Variants in TYRP1 observed in about 807,000 individuals in gnomAD.
TYRP1 encodes the protein 5,6-dihydroxyindole-2-carboxylic acid oxidase.
In TYRP1, 49 loss-of-function variants were observed where a neutral mutation model predicts 42.8. The ratio of observed to expected loss-of-function variants is 1.14; its 90% confidence interval spans 0.91 to 1.45. The LOEUF is 1.45. TYRP1 is among the 40% of genes most tolerant of loss of function. TYRP1 has a pLI of 0.00. For missense variants in TYRP1, 848 were observed against 662.0 expected, an observed-to-expected ratio of 1.28 and a Z score of -3.08; for synonymous variants, 279 against 235.4, an observed-to-expected ratio of 1.19 and a Z score of -1.69.
At chr9:12,705,949 T>A (rs1303420709) in intron 6 of TYRP1, among the ~76,000 whole-genome samples, 1 of 152,098 alleles carries the variant, frequency 6.6e-6, no homozygotes, top group Non-Finnish European at 1.5e-5. Context: ...TCAGCTTTTT[T>A]AAAAGTGAAA....
At chr9:12,694,756 C>G (rs1818049453) in intron 2 of TYRP1, among the ~76,000 whole-genome samples, 1 of 152,176 alleles carries the variant, frequency 6.6e-6, no homozygotes, top group Admixed American at 6.5e-5. Context: ...GGAATTCATG[C>G]TGAGATCTAC....
At chr9:12,705,770 C>T (rs1374043076) in intron 6 of TYRP1, among the ~76,000 whole-genome samples, 1 of 151,878 alleles carries the variant, frequency 6.6e-6, no homozygotes, top group East Asian at 1.9e-4. Context: ...TCACTTGACC[C>T]TAGGAGGTAG....
intron 6 of TYRP1, among the ~76,000 whole-genome samples, chr9:12,705,887 T>G (rs1192824104): frequency 6.6e-6 from 1 of 152,034 alleles, no homozygotes; most frequent in Non-Finnish European, 1.5e-5. Flanking sequence ...TCATCTCATT[T>G]TCATGTGTAT....
At chr9:12,694,931 T>C (rs1221820227) in intron 2 of TYRP1, among the ~76,000 whole-genome samples, 1 of 152,176 alleles carries the variant, frequency 6.6e-6, no homozygotes, top group Non-Finnish European at 1.5e-5. Context: ...TTTGATTGTG[T>C]TCTATGTGCG....
In TYRP1 at chr9:12,707,071, T is replaced by C. The variant is rs554416766; in HGVS notation, c.1262-926T>C. Among the ~76,000 whole-genome samples, 6 of 152,126 alleles carry C rather than the reference T, an allele frequency of 3.9e-5. No individual in the cohort carries two copies. In the South Asian group the frequency reaches 1.2e-3, roughly 32 times the overall value. ...CTAGTTACTACCATGTTAATTTCTA[T>C]TTACTAACATTTCTGATCTATATAC... On this transcript the variant is annotated intron_variant, in intron 6 of 7. Coordinates refer to ENST00000388918, the MANE Select transcript of TYRP1 (RefSeq NM_000550.3).
At chr9:12,698,799 T>C in intron 4 of TYRP1, 144 bp downstream of exon 4, 2 of 823,662 alleles carry the variant, frequency 2.4e-6, no homozygotes, top group Admixed American at 2.3e-5. Context: ...CAGGCATTCA[T>C]TAAACACCTA....
At chr9:12,704,797 A>AAAAC (rs1373314688) in intron 6 of TYRP1, 92 bp downstream of exon 6, 18 of 1,275,772 alleles carry the variant, frequency 1.4e-5, no homozygotes, top group Non-Finnish European at 2.0e-5. Context: ...TCAGCGCATA[A>AAAAC]AAACACTTTC....
chr9:12,693,633 C>G (rs1174819882), intron 1 of TYRP1, among the ~76,000 whole-genome samples, 155 bp downstream of exon 1: 3 of 150,108 alleles, frequency 2.0e-5, no homozygotes, highest in Non-Finnish European at 3.0e-5. Flanking sequence ...ATGATGGTGA[C>G]CTGCTAATTC....
Position 12,694,080 on chromosome 9 carries a change from A to C in TYRP1, c.84A>C (p.Arg28Ser). The C allele has an allele frequency of 6.2e-7, 1 of 1,613,872 alleles. No individual in the cohort carries two copies. The highest frequency in any genetic ancestry group is 8.5e-7 in the Non-Finnish European group (1 of 1,179,976). The change falls in exon 2 of 8, where the codon AGA becomes AGC. Residue 28 changes from arginine (R) to serine (S), a missense_variant. Transcript: ENST00000388918. Reference protein sequence around the residue: ...LFQQARAQFPRQCATVEALRS... With the variant: ...LFQQARAQFPSQCATVEALRS... ...AGCAGGCCCGGGCTCAATTCCCAAG[A>C]CAGTGTGCCACTGTTGAGGCTTTGA...
Position 12,695,776 on chromosome 9 carries a change from A to AG in TYRP1, c.650dup (p.Pro218ThrfsTer42), listed in dbSNP as rs1408979977. The AG allele has an allele frequency of 6.2e-7, 1 of 1,614,110 alleles. No individual in the cohort carries two copies. Among genetic ancestry groups the AG allele is most frequent in the Non-Finnish European group, 8.5e-7 (1 of 1,179,996 alleles). ...TTTGGTGAAGTGGATTTCTCTCATGAGGGACCAGCTTTTCTCACATGGCAC... is the reference window on the plus strand; with the variant it reads ...TTTGGTGAAGTGGATTTCTCTCATGAGGGGACCAGCTTTTCTCACATGGCAC... On this transcript the variant is annotated frameshift_variant, in exon 3 of 8. Transcript: ENST00000388918. LOFTEE classifies it high-confidence loss of function.
Position 12,704,723 on chromosome 9 carries a change from G to A in TYRP1, c.1261+18G>A, listed in dbSNP as rs776115420. ...CAATGCTGGTAAGACATTTTCATAT[G>A]CCTTTTGCATGCTCAGCTGGGCGGA... On this transcript the variant is annotated intron_variant, in intron 6 of 7. Coordinates refer to ENST00000388918, the MANE Select transcript of TYRP1 (RefSeq NM_000550.3). 5.6e-6 allele frequency: 9 copies of A among 1,610,824 alleles called. No individual in the cohort carries two copies. In the East Asian group the frequency reaches 6.7e-5, roughly 12 times the overall value.
chr9:12,697,252 A>G (rs1209112929), intron 3 of TYRP1, among the ~76,000 whole-genome samples: 1 of 152,184 alleles, frequency 6.6e-6, no homozygotes, highest in Non-Finnish European at 1.5e-5. Context: ...TTCAACCTCT[A>G]TGACTTACAT....
chr9:12,704,232 G>A (rs1481219250), intron 5 of TYRP1, among the ~76,000 whole-genome samples: 2 of 151,892 alleles, frequency 1.3e-5, no homozygotes, highest in Non-Finnish European at 2.9e-5. Context: ...AACAATGTCT[G>A]CCTTGTCAAA....
intron 6 of TYRP1, among the ~76,000 whole-genome samples, chr9:12,706,299 A>G (rs1818257156): frequency 1.3e-5 from 2 of 152,108 alleles, no homozygotes; most frequent in South Asian, 4.1e-4. Flanking sequence ...CTATTCAGTA[A>G]CCTGGCAAGT....
At position 12,709,964 on chromosome 9, in the gene TYRP1, C is replaced by T. The variant is rs896149497; in HGVS notation, c.*782C>T. ...ACATCTTAGAGGTCCATGGAGAAGGCATATGGAGAACATGTTTTATACTGC... is the reference window on the plus strand; with the variant it reads ...ACATCTTAGAGGTCCATGGAGAAGGTATATGGAGAACATGTTTTATACTGC... On this transcript the variant is annotated 3_prime_UTR_variant, in exon 8 of 8. Coordinates refer to ENST00000388918, the MANE Select transcript of TYRP1 (RefSeq NM_000550.3). The T allele has an allele frequency of 3.9e-5, 6 of 151,960 alleles. No individual in the cohort carries two copies. Among genetic ancestry groups the T allele is most frequent in the African/African-American group, 1.4e-4 (6 of 41,408 alleles). 9.4% of individuals were successfully genotyped at this position (151,960 alleles called of 1,614,324 possible). A position where few individuals can be genotyped will look rare whatever the true frequency, so the allele number is the denominator to read the frequency against.
At chr9:12,700,148 A>G (rs1193595938) in intron 4 of TYRP1, 1 of 152,112 alleles carries the variant, frequency 6.6e-6, no homozygotes, top group Non-Finnish European at 1.5e-5. Flanking sequence ...TATCTGATAT[A>G]GTATGAAATG....
intron 5 of TYRP1, among the ~76,000 whole-genome samples, 163 bp from the exon 6 acceptor site, chr9:12,704,363 A>G (rs905061630): frequency 6.6e-6 from 1 of 152,024 alleles, no homozygotes; most frequent in Non-Finnish European, 1.5e-5. Context: ...TAGCAAACAA[A>G]TGTCATCAAC....
In TYRP1 at chr9:12,698,629, A is replaced by G. The variant is rs752110288; in HGVS notation, c.887A>G (p.Tyr296Cys). 1.9e-6 allele frequency: 3 copies of G among 1,613,734 alleles called. No individual in the cohort carries two copies. The highest frequency in any genetic ancestry group is 2.5e-6 in the Non-Finnish European group (3 of 1,179,754). The change falls in exon 4 of 8, where the codon TAT (tyrosine) becomes TGT (cysteine). Residue 296 changes from tyrosine to cysteine, a missense_variant. Coordinates refer to ENST00000388918, the MANE Select transcript of TYRP1 (RefSeq NM_000550.3). ...WRVVCDSLED[Y>C]DTLGTLCNST... ...GTGGTCTGTGACTCCTTGGAAGATT[A>G]TGATACCCTGGGAACACTTTGTAAC...
intron 7 of TYRP1, among the ~76,000 whole-genome samples, 178 bp downstream of exon 7, chr9:12,708,321 AAGCT>A (rs1409347319): frequency 1.3e-5 from 2 of 151,968 alleles, no homozygotes; most frequent in African/African-American, 4.8e-5. Flanking sequence ...AGTCCACACT[AAGCT>A]GATATTGATC....
Sources: gnomAD v4.1 joint callset for allele counts (sites outside exome capture counted in the v4.1 genomes callset) on GRCh38, gnomAD v4.1.1 for gene constraint, MANE v1.5 for transcripts, NCBI Gene and HGNC (gene_info 2026-07-23, HGNC 2026-07-21) for gene names.